Variants in BBS1 observed in about 807,000 individuals in gnomAD.
BBS1 encodes the protein BBSome complex member BBS1.
In BBS1, 60 loss-of-function variants were observed where a neutral mutation model predicts 73.9. That is an observed-to-expected ratio of 0.81 (90% CI 0.66 to 1.01). The LOEUF (loss-of-function observed/expected upper bound fraction) is 1.01. Ranked by LOEUF, BBS1 falls within the 50% of genes least tolerant of loss-of-function variation. The pLI is 0.00. For synonymous variants in BBS1, 283 were observed against 317.4 expected (o/e 0.89, Z 1.15); for missense variants, 718 against 770.3 (o/e 0.93, Z 0.80).
intron 9 of BBS1, among the ~76,000 whole-genome samples, chr11:66,522,336 C>CT (rs748766824): frequency 0.014 from 1,972 of 143,174 alleles, 43 homozygotes; most frequent in African/African-American, 0.044. Flanking sequence ...ATATAAAATG[C>CT]TTTTTTTTTT....
chr11:66,512,710 C>T (rs544649236), intron 3 of BBS1, among the ~76,000 whole-genome samples: 4 of 152,138 alleles, frequency 2.6e-5, no homozygotes, highest in Non-Finnish European at 5.9e-5. Flanking sequence ...GTGGCTCATG[C>T]CTGTAATCCC....
intron 14 of BBS1, among the ~76,000 whole-genome samples, chr11:66,530,627 G>A (rs1310450937): frequency 6.6e-6 from 1 of 152,108 alleles, no homozygotes; most frequent in Non-Finnish European, 1.5e-5. Context: ...CAGGCAGGGG[G>A]TGGGGGTGAG....
At position 66,526,662 on chromosome 11, in the gene BBS1, C is replaced by G. The variant is rs200577824; in HGVS notation, c.1194C>G (p.Ile398Met). ...CCACTTCCCTAGGTGGTGGCCTGAT[C>G]ATCAAGATCCTGAAGCGTACAGCAG... ...LIMTTRGGGLIIKILKRTAVF... is the reference protein window; with the variant it reads ...LIMTTRGGGLMIKILKRTAVF... The change falls in exon 13 of 17, where the codon ATC (isoleucine) becomes ATG (methionine). Residue 398 changes from isoleucine to methionine, a missense_variant. Physicochemically the swap from Ile to Met is conservative, Grantham distance 10. Coordinates refer to ENST00000318312, the MANE Select transcript of BBS1 (RefSeq NM_024649.5). The G allele has an allele frequency of 6.2e-7, 1 of 1,614,084 alleles. No individual in the cohort carries two copies. Among genetic ancestry groups the G allele is most frequent in the East Asian group, 2.2e-5 (1 of 44,898 alleles).
chr11:66,511,018 A>G lies in BBS1; in HGVS notation c.53A>G (p.Glu18Gly). ...DSDACGAESNEANSKWLDAHY... is the reference protein window; with the variant it reads ...DSDACGAESNGANSKWLDAHY... ...TGTCTTTCCCCCACTTCCAGCAATGAGGCCAATTCGAAGTGGTTGGATGCG... is the reference window on the plus strand; with the variant it reads ...TGTCTTTCCCCCACTTCCAGCAATGGGGCCAATTCGAAGTGGTTGGATGCG... Residue 18 changes from glutamate to glycine, a missense_variant, in exon 2 of 17, where the codon GAG becomes GGG. Physicochemically the swap from Glu to Gly is moderately conservative, Grantham distance 98. Coordinates refer to ENST00000318312, the MANE Select transcript of BBS1 (RefSeq NM_024649.5). 1 of 1,614,032 alleles carries G rather than the reference A, an allele frequency of 6.2e-7. No individual in the cohort carries two copies.
chr11:66,529,206 C>G, intron 13 of BBS1: 3 of 1,477,676 alleles, frequency 2.0e-6, no homozygotes, highest in African/African-American at 1.4e-5. Context: ...GCGGGGTGGG[C>G]CCTGGAGGTG....
intron 7 of BBS1, among the ~76,000 whole-genome samples, chr11:66,517,469 CTT>C (rs1247554577): frequency 2.3e-4 from 32 of 136,928 alleles, no homozygotes; most frequent in Admixed American, 4.4e-4. Context: ...AATTTTTGTC[CTT>C]TTTTTTTTTT....
chr11:66,513,110 A>G (rs1298498552), intron 3 of BBS1, among the ~76,000 whole-genome samples: 3 of 152,008 alleles, frequency 2.0e-5, no homozygotes, highest in Admixed American at 2.0e-4. Context: ...AAGTGAGTAG[A>G]TGCTAAAATT....
At chr11:66,524,529 AACAAGTG>A (rs1425753470) in intron 11 of BBS1, among the ~76,000 whole-genome samples, 1 of 152,216 alleles carries the variant, frequency 6.6e-6, no homozygotes, top group East Asian at 1.9e-4. Flanking sequence ...CACTTCACAG[AACAAGTG>A]ACAGTTCAAC....
chr11:66,519,772 G>A (rs1856144756), intron 8 of BBS1, 24 bp downstream of exon 8: 1 of 1,611,326 alleles, frequency 6.2e-7, no homozygotes, highest in Non-Finnish European at 8.5e-7. Flanking sequence ...CTGGCCCTGG[G>A]CCCGCTGGAG....
At position 66,523,847 on chromosome 11, in the gene BBS1, C is replaced by T. The variant is rs759882869; in HGVS notation, c.1075C>T (p.Arg359Cys). ...GLANGEVRIY[R>C]DKALLNVIHT... ...GGCCAATGGAGAGGTCCGCATTTATCGTGACAAGGCCCTGCTCAATGTCAT... is the reference window on the plus strand; with the variant it reads ...GGCCAATGGAGAGGTCCGCATTTATTGTGACAAGGCCCTGCTCAATGTCAT... The change falls in exon 11 of 17, where the codon CGT (arginine) becomes TGT (cysteine). Residue 359 changes from arginine to cysteine, a missense_variant. Coordinates refer to ENST00000318312, the MANE Select transcript of BBS1 (RefSeq NM_024649.5). 26 of 1,613,472 alleles carry T rather than the reference C, an allele frequency of 1.6e-5. No individual in the cohort carries two copies. The highest frequency in any genetic ancestry group is 1.3e-4 in the East Asian group (6 of 44,898).
chr11:66,523,130 C>T (rs925711496), intron 9 of BBS1: 15 of 497,188 alleles, frequency 3.0e-5, no homozygotes, highest in African/African-American at 2.9e-4. Context: ...CCTGGCTAGT[C>T]CAGCCAAAGG....
chr11:66,529,643 G>A (rs1024338737), intron 13 of BBS1, among the ~76,000 whole-genome samples, 176 bp from the exon 14 acceptor site: 2 of 151,826 alleles, frequency 1.3e-5, no homozygotes, highest in South Asian at 2.1e-4. Context: ...AGGCCACGGC[G>A]TCGAGTTTTG....
chr11:66,520,814 A>T (rs56380786), intron 8 of BBS1: 1 of 258,318 alleles, frequency 3.9e-6, no homozygotes, highest in Non-Finnish European at 7.7e-6. Context: ...GCTTACTGCA[A>T]CCTATGCCAC....
At chr11:66,531,339 A>G (rs1336919725) in intron 15 of BBS1, among the ~76,000 whole-genome samples, 1 of 152,154 alleles carries the variant, frequency 6.6e-6, no homozygotes, top group East Asian at 1.9e-4. Flanking sequence ...GGGACCCCAG[A>G]GTGTGAAGGG....
At chr11:66,526,594 G>C (rs180982326) in intron 12 of BBS1, 55 bp from the exon 13 acceptor site, 113 of 1,610,532 alleles carry the variant, frequency 7.0e-5, no homozygotes, top group Middle Eastern at 4.9e-4. Flanking sequence ...AGAAAGAATG[G>C]GAATGTGGGT....
intron 11 of BBS1, among the ~76,000 whole-genome samples, chr11:66,525,017 G>A (rs527507144): frequency 2.0e-4 from 31 of 152,184 alleles, no homozygotes; most frequent in African/African-American, 5.5e-4. Flanking sequence ...TGGCTAACAC[G>A]GTAAAACCCC....
chr11:66,521,226 G>C (rs762622519), intron 8 of BBS1, 44 bp from the exon 9 acceptor site: 2 of 1,482,582 alleles, frequency 1.3e-6, no homozygotes, highest in South Asian at 1.1e-5. Flanking sequence ...AGGGAGGGAC[G>C]GGGGCTCCAG....
At chr11:66,512,508 T>C (rs1040837367) in intron 3 of BBS1, among the ~76,000 whole-genome samples, 38 of 152,186 alleles carry the variant, frequency 2.5e-4, no homozygotes, top group African/African-American at 8.7e-4. Context: ...AGTGAGTCCC[T>C]ACTGTGTGTC....
rs537939035 is a variant in BBS1, at chr11:66,531,285, C to A, written c.1608+257C>A. Among the ~76,000 whole-genome samples, 6 of 152,352 alleles carry A rather than the reference C, an allele frequency of 3.9e-5. No homozygotes were observed. In the South Asian group the frequency reaches 1.2e-3, roughly 32 times the overall value. On this transcript the variant is annotated intron_variant, in intron 15 of 16. Coordinates refer to ENST00000318312, the MANE Select transcript of BBS1 (RefSeq NM_024649.5). The stretch of plus-strand genomic sequence containing the variant: ...AGCCATACAGAAGGTGCTGGGAAAA[C>A]TGCTAGAGCCTGAACCCCACCTACA...
Sources: gnomAD v4.1 joint callset for allele counts (sites outside exome capture counted in the v4.1 genomes callset) on GRCh38, gnomAD v4.1.1 for gene constraint, MANE v1.5 for transcripts, NCBI Gene and HGNC (gene_info 2026-07-23, HGNC 2026-07-21) for gene names.